SMYD3: variants seen among roughly 807,000 people sequenced by gnomAD.
SMYD3 encodes SET and MYND domain containing 3.
SMYD3 carries 36 observed loss-of-function variants against 57.7 expected under a neutral mutation model. The ratio of observed to expected loss-of-function variants is 0.62; its 90% CI spans 0.48 to 0.82. SMYD3 has a LOEUF of 0.82. Among genes scored for constraint, SMYD3 ranks in the 40% least tolerant of loss-of-function variants. The pLI is 0.00. For synonymous variants in SMYD3, 211 were observed against 195.0 expected (o/e 1.08, Z -0.68); for missense variants, 515 against 538.8 (o/e 0.96, Z 0.44).
chr1:246,490,917 G>A (rs921501631), intron 1 of SMYD3, among the ~76,000 whole-genome samples: 4 of 152,142 alleles, frequency 2.6e-5, no homozygotes, highest in African/African-American at 9.7e-5. Context: ...TGAGAACTAA[G>A]TAGAGCAAGG....
intron 10 of SMYD3, among the ~76,000 whole-genome samples, chr1:245,779,811 AT>A (rs1474558614): frequency 1.3e-5 from 2 of 152,224 alleles, no homozygotes; most frequent in Non-Finnish European, 2.9e-5. Flanking sequence ...TTTGGAAAAC[AT>A]TTTGGCAATT....
chr1:246,313,631 C>G lies in SMYD3; in HGVS notation c.531+13570G>C, dbSNP rs186454629. 2.8e-4 allele frequency among the ~76,000 whole-genome samples: 42 copies of G among 152,264 alleles called. 3 individuals carry two copies. The highest frequency in any genetic ancestry group is 2.6e-3 in the Admixed American group (39 of 15,294). ...AGCGCCCATGACTGCCAAGTCTGGT[C>G]ACATGTAGCTCTAATGCTTTTCTTT... On this transcript the variant is annotated intron_variant, in intron 5 of 11. Transcript: ENST00000490107.
chr1:245,948,743 C>G (rs2147931274), intron 5 of SMYD3, among the ~76,000 whole-genome samples: 1 of 152,302 alleles, frequency 6.6e-6, no homozygotes, highest in Admixed American at 6.5e-5. Flanking sequence ...GAAGCACAAG[C>G]CACTAGCAGT....
intron 5 of SMYD3, among the ~76,000 whole-genome samples, chr1:246,218,647 C>A (rs1406150799): frequency 1.3e-5 from 2 of 151,508 alleles, no homozygotes; most frequent in Non-Finnish European, 2.9e-5. Context: ...AGTGGCAACA[C>A]TGTATTTCTT....
chr1:246,347,409 T>A (rs2065740637), intron 2 of SMYD3, among the ~76,000 whole-genome samples: 3 of 152,086 alleles, frequency 2.0e-5, no homozygotes, highest in African/African-American at 7.2e-5. Context: ...AAATCAAAAG[T>A]TTTTTAAAAT....
chr1:246,361,992 C>T (rs926979576), intron 1 of SMYD3, among the ~76,000 whole-genome samples: 1 of 151,952 alleles, frequency 6.6e-6, no homozygotes, highest in Admixed American at 6.6e-5. Context: ...AACGCATGGC[C>T]CTGGACCCAT....
intron 10 of SMYD3, among the ~76,000 whole-genome samples, chr1:245,790,028 T>A (rs1360035939): frequency 6.6e-6 from 1 of 152,200 alleles, no homozygotes; most frequent in Non-Finnish European, 1.5e-5. Context: ...AGACCACGGT[T>A]CCTGTCCTCA....
Position 246,156,731 on chromosome 1 carries a change from C to T in SMYD3, c.531+170470G>A, listed in dbSNP as rs371180119. Among the ~76,000 whole-genome samples the T allele has an allele frequency of 1.2e-3, 184 of 152,238 alleles. 5 individuals are homozygous for T. In the South Asian group the frequency reaches 0.033, roughly 27 times the overall value. On this transcript the variant is annotated intron_variant, in intron 5 of 11. Transcript: ENST00000490107. ...AAGGTGTTTTGGGGAGCAAAGAAAA[C>T]GGGCACCTTAATCAGACTACGAAAG...
intron 5 of SMYD3, among the ~76,000 whole-genome samples, chr1:246,091,492 C>CA (rs35295300): frequency 1.1e-3 from 140 of 124,376 alleles, no homozygotes; most frequent in East Asian, 3.0e-3. Context: ...AACCTCAGCA[C>CA]AAAAAAAAAA....
chr1:246,297,902 G>T (rs187835648), intron 5 of SMYD3, among the ~76,000 whole-genome samples: 74 of 152,082 alleles, frequency 4.9e-4, no homozygotes, highest in Admixed American at 4.6e-3. Context: ...TTTACTCTTT[G>T]GTTTCTGTTA....
At position 246,124,012 on chromosome 1, in the gene SMYD3, C is replaced by T. The variant is rs185981058; in HGVS notation, c.532-194075G>A. Among the ~76,000 whole-genome samples, 4 of 152,318 alleles carry T rather than the reference C, an allele frequency of 2.6e-5. No homozygotes were observed. The East Asian group carries it at 7.7e-4, about 29-fold the overall frequency. On this transcript the variant is annotated intron_variant, in intron 5 of 11. Transcript: ENST00000490107. ...CCACATTTTCTTTATTTTAAAATCT[C>T]TCCATTTAAGATCCTTTCCACAAAA... is the stretch of plus-strand genomic sequence containing the variant.
In SMYD3 at chr1:246,395,193, G is replaced by C. The variant is rs1283994415; in HGVS notation, c.165-40099C>G. 3.3e-5 allele frequency among the ~76,000 whole-genome samples: 5 copies of C among 152,172 alleles called. No homozygotes were observed. In the East Asian group the frequency reaches 9.6e-4, roughly 29 times the overall value. ...TGCTCCCTCCATTTTAAAACAGAAG[G>C]CTCTATTTTTACCACTATCCCCAAG... On this transcript the variant is annotated intron_variant, in intron 1 of 11. Coordinates refer to ENST00000490107, the MANE Select transcript of SMYD3 (RefSeq NM_001167740.2).
intron 5 of SMYD3, among the ~76,000 whole-genome samples, chr1:246,124,913 CA>C (rs1420770648): frequency 1.3e-5 from 2 of 150,704 alleles, no homozygotes; most frequent in African/African-American, 2.4e-5. Context: ...ACTAAAAATA[CA>C]AAAAAAAATT....
intron 5 of SMYD3, among the ~76,000 whole-genome samples, chr1:246,009,286 G>A (rs1207763537): frequency 6.6e-6 from 1 of 152,158 alleles, no homozygotes. Context: ...CATATACAAA[G>A]TATACGTGAT....
chr1:245,772,357 G>A (rs1368139135), intron 10 of SMYD3, among the ~76,000 whole-genome samples: 1 of 152,180 alleles, frequency 6.6e-6, no homozygotes, highest in African/African-American at 2.4e-5. Context: ...TCACTCAAAA[G>A]GTGGGGTTTA....
chr1:246,287,887 G>T (rs913944576), intron 5 of SMYD3, among the ~76,000 whole-genome samples: 1 of 152,006 alleles, frequency 6.6e-6, no homozygotes, highest in Non-Finnish European at 1.5e-5. Context: ...TAAAATGAGG[G>T]CTGAAAACGG....
intron 5 of SMYD3, among the ~76,000 whole-genome samples, chr1:246,094,313 C>G (rs948299890): frequency 6.6e-6 from 1 of 152,176 alleles, no homozygotes; most frequent in African/African-American, 2.4e-5. Context: ...GTCCTTTAAT[C>G]CACACACCAA....
At chr1:245,927,227 A>G (rs1266877987) in intron 7 of SMYD3, among the ~76,000 whole-genome samples, 1 of 152,236 alleles carries the variant, frequency 6.6e-6, no homozygotes, top group Admixed American at 6.5e-5. Context: ...AACCAGTGCA[A>G]GCTTAGGTTC....
intron 1 of SMYD3, among the ~76,000 whole-genome samples, chr1:246,392,790 A>C (rs1313310686): frequency 9.3e-6 from 1 of 107,582 alleles, no homozygotes; most frequent in Non-Finnish European, 2.0e-5. Flanking sequence ...CAGCAAAAAA[A>C]AAAGAAAAAG....
Sources: allele counts gnomAD v4.1 joint callset (sites outside exome capture counted in the v4.1 genomes callset), GRCh38; gene constraint gnomAD v4.1.1; transcripts MANE v1.5; gene names NCBI Gene and HGNC (gene_info 2026-07-23, HGNC 2026-07-21).